Variants in MACROD2 observed in about 807,000 individuals in gnomAD.
The protein encoded by MACROD2 is mono-ADP ribosylhydrolase 2.
MACROD2 carries 36 observed loss-of-function variants against 70.4 expected under a neutral mutation model. The observed-to-expected ratio is 0.51, with a 90% CI of 0.39 to 0.68. MACROD2 has a LOEUF of 0.68. Among genes scored for constraint, MACROD2 ranks in the 30% least tolerant of loss-of-function variants. The pLI, the probability that MACROD2 is intolerant of heterozygous loss-of-function variation, is 0.00. For synonymous variants in MACROD2, 172 were observed against 178.8 expected, an observed-to-expected ratio of 0.96 and a Z score of 0.30; for missense variants, 496 against 538.4, an observed-to-expected ratio of 0.92 and a Z score of 0.78.
At chr20:14,157,926 T>G (rs977589943) in intron 3 of MACROD2, among the ~76,000 whole-genome samples, 6 of 152,188 alleles carry the variant, frequency 3.9e-5, no homozygotes, top group Admixed American at 3.9e-4. Context: ...TTATTTTCCT[T>G]TGGATAAATA....
chr20:14,243,669 C>T (rs1305176649), intron 3 of MACROD2, among the ~76,000 whole-genome samples: 1 of 152,168 alleles, frequency 6.6e-6, no homozygotes, highest in African/African-American at 2.4e-5. Flanking sequence ...TAGTGAAGAA[C>T]TTAACTCTTT....
chr20:15,512,857 C>A (rs2146515303), intron 8 of MACROD2, among the ~76,000 whole-genome samples: 1 of 152,230 alleles, frequency 6.6e-6, no homozygotes, highest in Admixed American at 6.5e-5. Context: ...TTCTGCTGTT[C>A]AAAATTTTCC....
At chr20:14,273,226 T>C (rs972802963) in intron 3 of MACROD2, among the ~76,000 whole-genome samples, 3 of 152,138 alleles carry the variant, frequency 2.0e-5, no homozygotes, top group Admixed American at 2.0e-4. Flanking sequence ...TATTCCAAAA[T>C]TGACCACATA....
At chr20:14,956,848 T>C (rs1056042428) in intron 5 of MACROD2, among the ~76,000 whole-genome samples, 3 of 152,180 alleles carry the variant, frequency 2.0e-5, no homozygotes, top group South Asian at 2.1e-4. Flanking sequence ...CTTCTGATGA[T>C]GTAGTAAATC....
chr20:15,725,338 G>A (rs1193073820), intron 8 of MACROD2, among the ~76,000 whole-genome samples: 1 of 151,632 alleles, frequency 6.6e-6, no homozygotes, highest in Non-Finnish European at 1.5e-5. Context: ...TTCATTTTGG[G>A]GATGTTAGTA....
intron 5 of MACROD2, among the ~76,000 whole-genome samples, chr20:15,012,233 A>C (rs145798061): frequency 1.7e-4 from 26 of 152,330 alleles, no homozygotes; most frequent in African/African-American, 6.3e-4. Context: ...AAAGTTTGAC[A>C]CTAACAATAA....
At chr20:15,305,230 T>G (rs1401587243) in intron 6 of MACROD2, among the ~76,000 whole-genome samples, 4 of 151,398 alleles carry the variant, frequency 2.6e-5, no homozygotes, top group Non-Finnish European at 5.9e-5. Context: ...TCCTTTTATT[T>G]GTTTTTTTTT....
At chr20:14,007,915 TAATG>T (rs1003973958) in intron 2 of MACROD2, among the ~76,000 whole-genome samples, 1 of 152,180 alleles carries the variant, frequency 6.6e-6, no homozygotes, top group African/African-American at 2.4e-5. Context: ...AATAAAATAA[TAATG>T]AGGATGAGTT....
At chr20:14,911,631 C>T (rs1413586963) in intron 5 of MACROD2, among the ~76,000 whole-genome samples, 2 of 151,974 alleles carry the variant, frequency 1.3e-5, no homozygotes, top group Non-Finnish European at 2.9e-5. Flanking sequence ...CCTCAGCTTC[C>T]CAAAATGCTG....
intron 2 of MACROD2, among the ~76,000 whole-genome samples, chr20:14,037,587 A>G (rs1378589387): frequency 6.6e-6 from 1 of 152,132 alleles, no homozygotes; most frequent in Non-Finnish European, 1.5e-5. Flanking sequence ...TTTATTTTTG[A>G]ATTTAACTCA....
intron 7 of MACROD2, among the ~76,000 whole-genome samples, chr20:15,489,382 G>A (rs1215006665): frequency 3.3e-5 from 5 of 152,118 alleles, no homozygotes; most frequent in Admixed American, 3.3e-4. Flanking sequence ...GGAAAGAAGC[G>A]ATGTCACAAA....
chr20:14,640,674 T>C (rs1985038891), intron 4 of MACROD2, among the ~76,000 whole-genome samples: 1 of 152,186 alleles, frequency 6.6e-6, no homozygotes, highest in African/African-American at 2.4e-5. Flanking sequence ...ATAAAGTAAG[T>C]TATGCAATTT....
chr20:14,561,393 A>G (rs968050526), intron 4 of MACROD2, among the ~76,000 whole-genome samples: 2 of 151,858 alleles, frequency 1.3e-5, no homozygotes, highest in African/African-American at 2.4e-5. Flanking sequence ...AAGCTTAGGA[A>G]AATATTTTGA....
chr20:14,631,875 T>A (rs1984535074), intron 4 of MACROD2: 1 of 152,238 alleles, frequency 6.6e-6, no homozygotes, highest in Admixed American at 6.5e-5. Context: ...TGACAATCTT[T>A]GCTGTGTTGT....
At chr20:14,974,923 A>G (rs1359788590) in intron 5 of MACROD2, among the ~76,000 whole-genome samples, 1 of 152,152 alleles carries the variant, frequency 6.6e-6, no homozygotes, top group African/African-American at 2.4e-5. Context: ...CACACACACA[A>G]TGACAGACAA....
chr20:15,050,563 A>G (rs1488918341), intron 5 of MACROD2, among the ~76,000 whole-genome samples: 1 of 54,078 alleles, frequency 1.8e-5, no homozygotes, highest in Non-Finnish European at 3.2e-5. Flanking sequence ...TTTTTTTGAG[A>G]TGGAGTCTTG....
chr20:14,954,731 T>TATAA (rs1568895148), intron 5 of MACROD2, among the ~76,000 whole-genome samples: 1 of 35,330 alleles, frequency 2.8e-5, no homozygotes, highest in Non-Finnish European at 7.0e-5. Flanking sequence ...TGTATAAATA[T>TATAA]ATAAATTATA....
chr20:15,556,017 TG>T (rs2048165295), intron 8 of MACROD2, among the ~76,000 whole-genome samples: 1 of 152,098 alleles, frequency 6.6e-6, no homozygotes, highest in Admixed American at 6.6e-5. Context: ...AGGTCCTAAA[TG>T]GGACTCTTTG....
intron 2 of MACROD2, among the ~76,000 whole-genome samples, chr20:14,011,100 A>G (rs928519352): frequency 2.0e-5 from 3 of 152,160 alleles, no homozygotes; most frequent in Admixed American, 2.0e-4. Flanking sequence ...GCTGAATTAT[A>G]GATACTGTGT....
Sources: allele counts gnomAD v4.1 joint callset (sites outside exome capture counted in the v4.1 genomes callset), GRCh38; gene constraint gnomAD v4.1.1; transcripts MANE v1.5; gene names NCBI Gene and HGNC (gene_info 2026-07-23, HGNC 2026-07-21).